Variants in PAK3 observed in about 807,000 individuals in gnomAD.
The protein encoded by PAK3 is p21 (RAC1) activated kinase 3.
A neutral mutation model predicts 41.0 loss-of-function variants in PAK3; 4 were observed. The ratio of observed to expected loss-of-function variants is 0.10; its 90% CI spans 0.05 to 0.22. The LOEUF (loss-of-function observed/expected upper bound fraction) is 0.22, where lower values mean the gene tolerates loss of function less well. Among genes scored for constraint, PAK3 ranks in the 10% least tolerant of loss-of-function variants. The pLI, the probability that PAK3 is intolerant of heterozygous loss-of-function variation, is 1.00. For synonymous variants in PAK3, 146 were observed against 139.6 expected, an observed-to-expected ratio of 1.05 and a Z score of -0.32; for missense variants, 205 against 409.9, an observed-to-expected ratio of 0.50 and a Z score of 4.32.
At chrX:110,944,737 A>G (rs1489622825) in intron 1 of PAK3, 1 of 112,141 alleles carries the variant, frequency 8.9e-6, no homozygotes, top group Non-Finnish European at 1.9e-5. Context: ...CCCAGTTTTC[A>G]GTCTTGCTGT....
intron 17 of PAK3, chrX:111,217,010 C>A (rs2094886935): frequency 2.7e-6 from 2 of 751,379 alleles, no homozygotes; most frequent in Admixed American, 8.7e-5. Context: ...ACCTGCTTGC[C>A]TGGGTGAGTA....
At chrX:111,078,978 T>C (rs1393797431) in intron 1 of PAK3, among the ~76,000 whole-genome samples, 1 of 112,203 alleles carries the variant, frequency 8.9e-6, no homozygotes, top group Non-Finnish European at 1.9e-5. Flanking sequence ...CTAACTTTCT[T>C]CAATTGTATG....
chrX:111,059,517 G>T lies in PAK3; in HGVS notation c.-27-63560G>T, dbSNP rs781034651. 3.6e-5 allele frequency among the ~76,000 whole-genome samples: 4 copies of T among 111,121 alleles called. No individual in the cohort carries two copies. The East Asian group carries it at 1.1e-3, about 32-fold the overall frequency. ...TGATGGGGATTGCATCGCATCTATA[G>T]GTCAATTTGAAGAGTGTTGCCATGT... On this transcript the variant is annotated intron_variant, in intron 1 of 14. Transcript: ENST00000425146.
At chrX:111,023,137 C>T (rs758660469) in intron 1 of PAK3, among the ~76,000 whole-genome samples, 10 of 111,225 alleles carry the variant, frequency 9.0e-5, no homozygotes, top group South Asian at 3.8e-4. Context: ...TGAGAACACA[C>T]GGTGTTTGGT....
chrX:111,007,753 T>C (rs933597323), intron 1 of PAK3, among the ~76,000 whole-genome samples: 2 of 111,812 alleles, frequency 1.8e-5, no homozygotes, highest in Non-Finnish European at 3.8e-5. Context: ...TTTCCATGCA[T>C]TGAATTAGAG....
intron 1 of PAK3, among the ~76,000 whole-genome samples, chrX:111,053,291 A>G (rs1037946486): frequency 9.0e-6 from 1 of 111,159 alleles, no homozygotes; most frequent in African/African-American, 3.3e-5. Flanking sequence ...TGAGGTGCAC[A>G]ATGCTTTTTG....
At chrX:110,976,489 G>A (rs1241834325) in intron 1 of PAK3, among the ~76,000 whole-genome samples, 3 of 112,050 alleles carry the variant, frequency 2.7e-5, no homozygotes, top group African/African-American at 6.5e-5. Context: ...GGAGAAATAC[G>A]AACACTTTTA....
intron 1 of PAK3, among the ~76,000 whole-genome samples, chrX:111,043,490 G>C (rs2092470808): frequency 9.0e-6 from 1 of 111,272 alleles, no homozygotes; most frequent in Non-Finnish European, 1.9e-5. Context: ...TCTGCTGTTT[G>C]CTCTTTCTTT....
chrX:111,057,856 C>T (rs1028729998), intron 1 of PAK3, among the ~76,000 whole-genome samples: 8 of 111,739 alleles, frequency 7.2e-5, no homozygotes, highest in Admixed American at 6.7e-4. Context: ...TCCTGGTCAC[C>T]AGCAACCACT....
At position 111,153,439 on chromosome X, in the gene PAK3, T is replaced by G. The variant is rs149211435; in HGVS notation, c.468+992T>G. 5.4e-3 allele frequency among the ~76,000 whole-genome samples: 608 copies of G among 112,207 alleles called. 9 individuals carry two copies. The highest frequency in any genetic ancestry group is 0.019 in the African/African-American group (586 of 30,938). ...GTATCTGAAAGAATATTTGTACACA[T>G]TAGACAGAAAATGATCTCAGATAAG... On this transcript the variant is annotated intron_variant, in intron 8 of 17. Coordinates refer to ENST00000372007, the MANE Select transcript of PAK3 (RefSeq NM_002578.5).
At chrX:110,957,339 T>C (rs2090883175) in intron 1 of PAK3, among the ~76,000 whole-genome samples, 1 of 112,240 alleles carries the variant, frequency 8.9e-6, no homozygotes, top group African/African-American at 3.2e-5. Flanking sequence ...GCTTACCATG[T>C]GCTAGGCACT....
At chrX:111,170,426 C>G (rs945662803) in intron 10 of PAK3, among the ~76,000 whole-genome samples, 5 of 109,664 alleles carry the variant, frequency 4.6e-5, no homozygotes, top group Non-Finnish European at 9.5e-5. Flanking sequence ...TTATTTTTCT[C>G]AAGGTATACT....
chrX:111,130,080 T>C (rs1010639062), intron 5 of PAK3, among the ~76,000 whole-genome samples: 3 of 112,054 alleles, frequency 2.7e-5, no homozygotes, highest in Non-Finnish European at 5.6e-5. Flanking sequence ...GTCAATTGAA[T>C]GCAAATGAAA....
At chrX:111,128,342 A>G in intron 5 of PAK3, among the ~76,000 whole-genome samples, 1 of 112,042 alleles carries the variant, frequency 8.9e-6, no homozygotes, top group Non-Finnish European at 1.9e-5. Flanking sequence ...TCATGGAGGC[A>G]TAGGAAGGAA....
intron 1 of PAK3, among the ~76,000 whole-genome samples, chrX:111,061,037 A>C (rs1005835459): frequency 9.0e-6 from 1 of 111,435 alleles, no homozygotes; most frequent in Admixed American, 9.6e-5. Flanking sequence ...TTCTTTGCCT[A>C]TCTTGCTATT....
At chrX:111,214,569 T>C (rs2094856397) in intron 16 of PAK3, among the ~76,000 whole-genome samples, 1 of 111,757 alleles carries the variant, frequency 8.9e-6, no homozygotes, top group South Asian at 3.8e-4. Flanking sequence ...CTTATTAGAA[T>C]GCAAATTCTT....
chrX:111,086,398 A>C (rs1274159685), intron 1 of PAK3, among the ~76,000 whole-genome samples: 4 of 111,411 alleles, frequency 3.6e-5, no homozygotes, highest in African/African-American at 6.5e-5. Flanking sequence ...GATAATTTCA[A>C]CCGGAGTGTA....
intron 1 of PAK3, among the ~76,000 whole-genome samples, chrX:110,963,248 C>T (rs2091014879): frequency 8.9e-6 from 1 of 112,310 alleles, no homozygotes; most frequent in Admixed American, 9.4e-5. Context: ...AAATGAAATT[C>T]TGTTGCCTTT....
chrX:111,221,540 C>T lies in PAK3; in HGVS notation c.*1093C>T, dbSNP rs1397042859. ...CATATGCACTGTAAAATAGGCATAC[C>T]AGGAGGAAATAGATACATTAATCAT... On this transcript the variant is annotated 3_prime_UTR_variant, in exon 18 of 18. Transcript: ENST00000372007. The T allele has an allele frequency of 8.9e-6, 1 of 111,894 alleles. No homozygotes were observed. The highest frequency in any genetic ancestry group is 1.9e-5 in the Non-Finnish European group (1 of 53,074). 9.2% of individuals were successfully genotyped at this position (111,894 alleles called of 1,213,427 possible).
Sources: allele counts gnomAD v4.1 joint callset (sites outside exome capture counted in the v4.1 genomes callset), GRCh38; gene constraint gnomAD v4.1.1; transcripts MANE v1.5; gene names NCBI Gene and HGNC (gene_info 2026-07-23, HGNC 2026-07-21).